GAP43: variants seen among roughly 807,000 people sequenced by gnomAD.
GAP43 encodes neuromodulin.
GAP43 carries 6 observed loss-of-function variants against 18.6 expected under a neutral mutation model. The observed-to-expected ratio is 0.32, with a 90% CI of 0.18 to 0.64. The LOEUF is 0.64. Among genes scored for constraint, GAP43 ranks in the 30% least tolerant of loss-of-function variants. The pLI is 0.78. For missense variants in GAP43, 292 were observed against 295.5 expected (o/e 0.99, Z 0.09); for synonymous variants, 115 against 111.4 (o/e 1.03, Z -0.20).
chr3:115,670,335 T>G (rs1307936319), intron 1 of GAP43, among the ~76,000 whole-genome samples: 1 of 151,586 alleles, frequency 6.6e-6, no homozygotes, highest in Non-Finnish European at 1.5e-5. Context: ...CTCATCATTT[T>G]TTATGGCTGC....
At chr3:115,628,753 C>T (rs1222262089) in intron 1 of GAP43, among the ~76,000 whole-genome samples, 1 of 152,172 alleles carries the variant, frequency 6.6e-6, no homozygotes, top group East Asian at 1.9e-4. Flanking sequence ...CTATGATCTC[C>T]TGGATCATAA....
chr3:115,698,163 A>G (rs1468033378), intron 2 of GAP43, among the ~76,000 whole-genome samples: 1 of 49,166 alleles, frequency 2.0e-5, no homozygotes, highest in African/African-American at 7.5e-5. Flanking sequence ...TATAATATAT[A>G]AAATATATTA....
intron 2 of GAP43, among the ~76,000 whole-genome samples, chr3:115,683,442 C>T (rs992345891): frequency 2.6e-5 from 4 of 152,116 alleles, no homozygotes; most frequent in African/African-American, 9.7e-5. Flanking sequence ...TTTCTAATCC[C>T]GTCTTACACT....
At chr3:115,690,880 T>C (rs914359131) in intron 2 of GAP43, among the ~76,000 whole-genome samples, 1 of 151,354 alleles carries the variant, frequency 6.6e-6, no homozygotes, top group Non-Finnish European at 1.5e-5. Context: ...CTCAGCCTCC[T>C]GAGTAGCTGG....
intron 2 of GAP43, among the ~76,000 whole-genome samples, chr3:115,696,345 A>G (rs537875661): frequency 3.9e-4 from 59 of 152,030 alleles, no homozygotes; most frequent in Non-Finnish European, 7.5e-4. Context: ...CTTTGACAAC[A>G]TTAAATCTAT....
At chr3:115,698,000 T>C (rs283387) in intron 2 of GAP43, among the ~76,000 whole-genome samples, 31,807 of 113,896 alleles carry the variant, frequency 0.28, 7,011 homozygotes, top group African/African-American at 0.6. Context: ...TGTGTGTGTG[T>C]GTGTGTGTGT....
rs78220228 is a variant in GAP43, at chr3:115,628,028, A to C, written c.30+4309A>C. Among the ~76,000 whole-genome samples, 1,362 of 152,226 alleles carry C rather than the reference A, an allele frequency of 8.9e-3. 25 individuals carry two copies. Among genetic ancestry groups the C allele is most frequent in the African/African-American group, 0.03 (1,246 of 41,546 alleles). On this transcript the variant is annotated intron_variant, in intron 1 of 2. Coordinates refer to ENST00000305124, the MANE Select transcript of GAP43 (RefSeq NM_002045.4). ...AATGAACACTTTGCTTACCTTAAGG[A>C]TTTTTGTAGGGCTTAAACATACTTG...
chr3:115,698,139 T>TATATATAA (rs1559804283), intron 2 of GAP43, among the ~76,000 whole-genome samples: 3 of 14,622 alleles, frequency 2.1e-4, no homozygotes, highest in East Asian at 8.5e-3. Flanking sequence ...ATAATATATA[T>TATATATAA]AATATATATT....
rs1336174261 is a variant in GAP43, at chr3:115,644,985, T to C, written c.30+21266T>C. Among the ~76,000 whole-genome samples, 2 of 152,034 alleles carry C rather than the reference T, an allele frequency of 1.3e-5. No individual in the cohort carries two copies. The highest frequency in any genetic ancestry group is 4.8e-5 in the African/African-American group (2 of 41,430). On this transcript the variant is annotated intron_variant, in intron 1 of 2. Transcript: ENST00000305124. The surrounding 1 kb of genome is among the most constrained non-coding windows in gnomAD (Gnocchi z 4.2). ...CAGGGAGCCTAAAGAAGCTATTCAA[T>C]CTTTTATCTTTCTCCAGGGAGAAAC...
chr3:115,651,891 A>G (rs1409220418), intron 1 of GAP43, among the ~76,000 whole-genome samples: 1 of 152,004 alleles, frequency 6.6e-6, no homozygotes, highest in Non-Finnish European at 1.5e-5. Flanking sequence ...GCCCTCTTCA[A>G]TTGTTACTCT....
intron 2 of GAP43, among the ~76,000 whole-genome samples, chr3:115,704,809 A>G (rs1025427850): frequency 2.0e-5 from 3 of 152,108 alleles, no homozygotes; most frequent in Non-Finnish European, 2.9e-5. Context: ...GTCTTTGGAC[A>G]AGTCACAAAA....
At chr3:115,675,259 A>G (rs1355563877) in intron 1 of GAP43, among the ~76,000 whole-genome samples, 1 of 152,080 alleles carries the variant, frequency 6.6e-6, no homozygotes, top group Non-Finnish European at 1.5e-5. Flanking sequence ...TTCTGTAGAG[A>G]TGGGGTCTCA....
At chr3:115,638,995 T>A (rs114659005) in intron 1 of GAP43, among the ~76,000 whole-genome samples, 3,771 of 152,212 alleles carry the variant, frequency 0.025, 61 homozygotes, top group Non-Finnish European at 0.035. Flanking sequence ...CATGTATAGA[T>A]CTAGTTGAAT....
At chr3:115,650,356 A>G (rs1253395170) in intron 1 of GAP43, among the ~76,000 whole-genome samples, 3 of 152,180 alleles carry the variant, frequency 2.0e-5, no homozygotes, top group Non-Finnish European at 4.4e-5. Flanking sequence ...AACCCAAAAG[A>G]AAACCTCAGT....
intron 2 of GAP43, among the ~76,000 whole-genome samples, chr3:115,719,268 G>A (rs1280541185): frequency 6.7e-6 from 1 of 148,608 alleles, no homozygotes; most frequent in Non-Finnish European, 1.5e-5. Context: ...AGGGATTGAG[G>A]AAAAAAAAAA....
chr3:115,684,049 C>A (rs1430468686), intron 2 of GAP43, among the ~76,000 whole-genome samples: 2 of 152,160 alleles, frequency 1.3e-5, no homozygotes, highest in African/African-American at 4.8e-5. Context: ...TCAGTTTGAT[C>A]ATCTCACACC....
At chr3:115,673,839 T>C (rs1708843839) in intron 1 of GAP43, among the ~76,000 whole-genome samples, 1 of 152,190 alleles carries the variant, frequency 6.6e-6, no homozygotes, top group African/African-American at 2.4e-5. Flanking sequence ...ACTCCTTTAA[T>C]CTTTGTGTGT....
intron 2 of GAP43, among the ~76,000 whole-genome samples, chr3:115,716,386 T>C (rs1269986983): frequency 6.6e-6 from 1 of 152,156 alleles, no homozygotes; most frequent in Non-Finnish European, 1.5e-5. Flanking sequence ...TGCAGTCTCC[T>C]ACCAAAAGTA....
At chr3:115,690,430 C>A (rs1315459130) in intron 2 of GAP43, among the ~76,000 whole-genome samples, 1 of 152,140 alleles carries the variant, frequency 6.6e-6, no homozygotes, top group Non-Finnish European at 1.5e-5. Context: ...CATTTTTTTA[C>A]TTTGAACACC....
Sources: gnomAD v4.1 joint callset for allele counts (sites outside exome capture counted in the v4.1 genomes callset) on GRCh38, gnomAD v4.1.1 for gene constraint, Gnocchi (gnomAD v3.1) non-coding constraint, MANE v1.5 for transcripts, NCBI Gene and HGNC (gene_info 2026-07-23, HGNC 2026-07-21) for gene names.